The following DRC5 variants were observed in gnomAD, a reference collection of about 807,000 sequenced individuals.
The protein encoded by DRC5 is dynein regulatory complex subunit 5, also known as T-complex-associated testis-expressed protein 1.
At chr6:44,288,112 G>C in the DRC5 span, among the ~76,000 whole-genome samples, 2 of 152,188 alleles carry the variant, frequency 1.3e-5, no homozygotes, top group Non-Finnish European at 2.9e-5. Context: ...GAAGGTCGCA[G>C]TTCCAGTAGG....
chr6:44,291,896 C>G, the DRC5 span, among the ~76,000 whole-genome samples: 2 of 152,172 alleles, frequency 1.3e-5, no homozygotes, highest in Non-Finnish European at 2.9e-5. Flanking sequence ...ACCTCTCTCT[C>G]TTTCAGCCCT....
chr6:44,282,442 G>A, the DRC5 span: 7 of 1,613,582 alleles, frequency 4.3e-6, no homozygotes, highest in Admixed American at 3.3e-5. Flanking sequence ...CGTGCACCAC[G>A]GTCTCCAATG....
the DRC5 span, among the ~76,000 whole-genome samples, chr6:44,296,941 G>GCCAGTTCACTTACCACAGCCCTTGGACT: frequency 6.7e-6 from 1 of 150,338 alleles, no homozygotes; most frequent in African/African-American, 2.5e-5. Flanking sequence ...GCCTCGGCCC[G>GCCAGTTCACTTACCACAGCCCTTGGACT]TGTGCTTGGA....
At chr6:44,287,965 G>A in the DRC5 span, 1 of 1,105,412 alleles carries the variant, frequency 9.0e-7, no homozygotes, top group South Asian at 1.7e-5. Context: ...GTGGGTCTTG[G>A]TGGGCATTTA....
the DRC5 span, among the ~76,000 whole-genome samples, chr6:44,290,391 G>T: frequency 2.0e-5 from 3 of 152,196 alleles, no homozygotes; most frequent in South Asian, 6.2e-4. Flanking sequence ...AGCATACAGG[G>T]TGTGTGGAGA....
chr6:44,295,158 T>C, the DRC5 span, among the ~76,000 whole-genome samples: 136,503 of 152,214 alleles, frequency 0.9, 62,167 homozygotes, highest in East Asian at 1. Context: ...ACTAGGAGCA[T>C]GTTCAAGACT....
the DRC5 span, among the ~76,000 whole-genome samples, chr6:44,292,135 T>G: frequency 3.3e-5 from 5 of 152,204 alleles, no homozygotes; most frequent in African/African-American, 1.2e-4. Context: ...CACTGCTCAC[T>G]GGGTAAAATC....
chr6:44,290,584 T>G, the DRC5 span, among the ~76,000 whole-genome samples: 3 of 152,220 alleles, frequency 2.0e-5, no homozygotes, highest in African/African-American at 7.2e-5. Context: ...TCATAGACAG[T>G]ACGACAGAGG....
At chr6:44,292,523 T>C in the DRC5 span, among the ~76,000 whole-genome samples, 1 of 152,150 alleles carries the variant, frequency 6.6e-6, no homozygotes, top group African/African-American at 2.4e-5. Flanking sequence ...CTCCTCCTCA[T>C]TTTTGTCTCC....
At chr6:44,287,565 A>G in the DRC5 span, 1 of 1,609,780 alleles carries the variant, frequency 6.2e-7, no homozygotes, top group Non-Finnish European at 8.5e-7. Context: ...AGTTCCTGAT[A>G]ATGTGCTGAA....
chr6:44,286,636 C>A, the DRC5 span: 3 of 998,386 alleles, frequency 3.0e-6, no homozygotes, highest in African/African-American at 4.8e-5. Context: ...AAAGGAGAGA[C>A]CCTTCCCTGC....
the DRC5 span, among the ~76,000 whole-genome samples, chr6:44,288,993 C>CAAAAAAAAAAAAAAAA: frequency 5.8e-4 from 19 of 32,814 alleles, 1 homozygote; most frequent in African/African-American, 1.8e-3. Context: ...GACTCTGTCT[C>CAAAAAAAAAAAAAAAA]AAAAAAAAAA....
the DRC5 span, chr6:44,280,464 A>G: frequency 8.8e-7 from 1 of 1,138,926 alleles, no homozygotes; most frequent in Non-Finnish European, 1.3e-6. Flanking sequence ...ACACATTTTC[A>G]GGTAGATGTG....
the DRC5 span, among the ~76,000 whole-genome samples, chr6:44,289,228 G>C: frequency 6.6e-6 from 1 of 151,322 alleles, no homozygotes; most frequent in African/African-American, 2.4e-5. Flanking sequence ...GTAGAGACGG[G>C]GTTTCACCAT....
At chr6:44,284,358 C>T in the DRC5 span, among the ~76,000 whole-genome samples, 1 of 152,124 alleles carries the variant, frequency 6.6e-6, no homozygotes, top group African/African-American at 2.4e-5. Flanking sequence ...AGCTCTTCTT[C>T]TTCCACTGAG....
the DRC5 span, among the ~76,000 whole-genome samples, chr6:44,289,873 A>C: frequency 6.6e-6 from 1 of 152,160 alleles, no homozygotes; most frequent in African/African-American, 2.4e-5. Context: ...GCAGTTTCCC[A>C]TCAGATGTGC....
At chr6:44,294,101 G>C in the DRC5 span, among the ~76,000 whole-genome samples, 1 of 151,906 alleles carries the variant, frequency 6.6e-6, no homozygotes, top group Admixed American at 6.6e-5. Context: ...TCCTGTCTCA[G>C]CCTCCCGAAT....
the DRC5 span, chr6:44,279,748 GGTGTGTGT>G: frequency 0.031 from 4,173 of 135,280 alleles, 143 homozygotes; most frequent in African/African-American, 0.083. Context: ...GTAGCCAGAG[GGTGTGTGT>G]GTGTGTGTGT....
the DRC5 span, among the ~76,000 whole-genome samples, chr6:44,284,526 G>A: frequency 1.3e-5 from 2 of 151,862 alleles, no homozygotes; most frequent in Non-Finnish European, 2.9e-5. Flanking sequence ...CCCAACTAAC[G>A]AAATGACCCC....
Sources: gnomAD v4.1 joint callset for allele counts (sites outside exome capture counted in the v4.1 genomes callset) on GRCh38, gnomAD v4.1.1 for gene constraint, MANE v1.5 for transcripts, NCBI Gene and HGNC (gene_info 2026-07-23, HGNC 2026-07-21) for gene names.